PPP6R3: variants seen among roughly 807,000 people sequenced by gnomAD.
PPP6R3 encodes the protein protein phosphatase 6 regulatory subunit 3, also known as serine/threonine-protein phosphatase 6 regulatory subunit 3.
Under a neutral mutation model 110.7 loss-of-function variants are expected in PPP6R3, and 38 were observed. The observed-to-expected ratio is 0.34, with a 90% CI of 0.26 to 0.45. The LOEUF is 0.45. Ranked by LOEUF, PPP6R3 falls within the 20% of genes least tolerant of loss-of-function variation. PPP6R3 has a pLI of 1.00. For missense variants in PPP6R3, 870 were observed against 1,062.4 expected (o/e 0.82, Z 2.52); for synonymous variants, 369 against 373.5 (o/e 0.99, Z 0.14).
intron 1 of PPP6R3, among the ~76,000 whole-genome samples, chr11:68,496,608 G>A (rs994403987): frequency 6.6e-6 from 1 of 151,964 alleles, no homozygotes; most frequent in African/African-American, 2.4e-5. Flanking sequence ...GAGTAGCTGG[G>A]ATTACAGGTG....
At chr11:68,497,279 C>G (rs1258532614) in intron 1 of PPP6R3, among the ~76,000 whole-genome samples, 2 of 149,458 alleles carry the variant, frequency 1.3e-5, no homozygotes, top group Admixed American at 6.7e-5. Context: ...TGGTCTCGAT[C>G]TCCTGACCTC....
intron 3 of PPP6R3, among the ~76,000 whole-genome samples, chr11:68,542,389 G>GTTTTTTTTTTGTTTTTTTTTTTTTTTTT (rs1555132282): frequency 2.7e-4 from 11 of 40,206 alleles, no homozygotes; most frequent in South Asian, 1.8e-3. Context: ...AGAAGCTGCT[G>GTTTTTTTTTTGTTTTTTTTTTTTTTTTT]TTTTTTTTTT....
chr11:68,604,547 C>T (rs1205850201), intron 22 of PPP6R3, among the ~76,000 whole-genome samples: 1 of 152,164 alleles, frequency 6.6e-6, no homozygotes, highest in East Asian at 1.9e-4. Context: ...GTGCTGGTGG[C>T]CTTAGCAAAT....
At chr11:68,496,186 T>TC (rs934079850) in intron 1 of PPP6R3, among the ~76,000 whole-genome samples, 24 of 151,946 alleles carry the variant, frequency 1.6e-4, no homozygotes, top group East Asian at 1.2e-3. Flanking sequence ...TCTTTTCTTT[T>TC]TTTTTTTTTG....
rs1430324631 is a variant in PPP6R3, at chr11:68,548,086, A to G, written c.434A>G (p.Lys145Arg). Residue 145 changes from lysine (K) to arginine (R), a missense_variant, in exon 5 of 24, where the codon AAG becomes AGG. Transcript: ENST00000393800. ...KPEQIVDFLK[K>R]KHDFVDLIIK... is the part of the protein sequence containing the mutation. ...CTCTAGATTGTGGATTTCTTAAAGA[A>G]GAAGCATGATTTTGTAGACCTTATT... is the stretch of plus-strand genomic sequence containing the variant. 25 of 1,613,698 alleles carry G rather than the reference A, an allele frequency of 1.5e-5. No homozygotes were observed. The highest frequency in any genetic ancestry group is 2.1e-5 in the Non-Finnish European group (25 of 1,179,678).
intron 1 of PPP6R3, among the ~76,000 whole-genome samples, chr11:68,490,430 G>C (rs548977766): frequency 2.0e-5 from 3 of 152,092 alleles, no homozygotes; most frequent in East Asian, 3.9e-4. Flanking sequence ...TGGGGGGTAA[G>C]TGGGGAGGTC....
chr11:68,607,101 A>C (rs562228303), intron 22 of PPP6R3, among the ~76,000 whole-genome samples: 1 of 152,344 alleles, frequency 6.6e-6, no homozygotes, highest in African/African-American at 2.4e-5. Context: ...TGCCATCCTG[A>C]AGTTAGTGTT....
chr11:68,467,643 A>C (rs1298531646), intron 1 of PPP6R3, among the ~76,000 whole-genome samples: 1 of 152,236 alleles, frequency 6.6e-6, no homozygotes, highest in African/African-American at 2.4e-5. Flanking sequence ...TTGGCTGGTC[A>C]GATTGGTTGG....
At chr11:68,612,026 T>C (rs145058966) in intron 23 of PPP6R3, among the ~76,000 whole-genome samples, 1 of 152,248 alleles carries the variant, frequency 6.6e-6, no homozygotes, top group Non-Finnish European at 1.5e-5. Context: ...TATGTACTTA[T>C]TTCATATGTA....
At chr11:68,469,837 C>G (rs80087821) in intron 1 of PPP6R3, among the ~76,000 whole-genome samples, 1 of 152,252 alleles carries the variant, frequency 6.6e-6, no homozygotes, top group Admixed American at 6.5e-5. Context: ...CCTGTGTCCT[C>G]GTCTCACCAC....
Position 68,591,854 on chromosome 11 carries a change from C to T in PPP6R3, c.1916+148C>T, listed in dbSNP as rs140217598. The T allele has an allele frequency of 6.9e-4, 693 of 1,006,252 alleles. 4 individuals carry two copies. In the African/African-American group the frequency reaches 8.9e-3, roughly 13 times the overall value. 62.3% of individuals were successfully genotyped at this position (1,006,252 alleles called of 1,614,324 possible). A position where few individuals can be genotyped will look rare whatever the true frequency, so the allele number is the denominator to read the frequency against. ...TCATGGCCAGAAATGCCCTTGTTGG[C>T]GGGAGTTGGTGCTTCCAGTGTGACA... On this transcript the variant is annotated intron_variant, in intron 18 of 23. Coordinates refer to ENST00000393800, the MANE Select transcript of PPP6R3 (RefSeq NM_001164161.2).
intron 18 of PPP6R3, among the ~76,000 whole-genome samples, chr11:68,593,951 TAAA>T (rs1262892935): frequency 6.6e-6 from 1 of 151,404 alleles, no homozygotes; most frequent in African/African-American, 2.4e-5. Flanking sequence ...GGAGCCAAGA[TAAA>T]AAAACAAAAA....
At chr11:68,509,831 C>A (rs2099099318) in intron 1 of PPP6R3, among the ~76,000 whole-genome samples, 1 of 146,238 alleles carries the variant, frequency 6.8e-6, no homozygotes, top group African/African-American at 2.5e-5. Context: ...CCCACTGCAA[C>A]CCTTGCCACC....
At chr11:68,485,653 T>C (rs2098942245) in intron 1 of PPP6R3, among the ~76,000 whole-genome samples, 1 of 152,238 alleles carries the variant, frequency 6.6e-6, no homozygotes. Context: ...GTGAGTCTTC[T>C]TGAACCTACT....
intron 2 of PPP6R3, among the ~76,000 whole-genome samples, chr11:68,521,706 A>T (rs2099165057): frequency 6.6e-6 from 1 of 152,230 alleles, no homozygotes. Flanking sequence ...GCCAAGAGGC[A>T]AAAAAGAGGA....
At chr11:68,500,414 C>T (rs2099042380) in intron 1 of PPP6R3, among the ~76,000 whole-genome samples, 1 of 152,052 alleles carries the variant, frequency 6.6e-6, no homozygotes, top group Non-Finnish European at 1.5e-5. Context: ...GTTTTATGTG[C>T]ACTGGTAGTT....
intron 7 of PPP6R3, among the ~76,000 whole-genome samples, chr11:68,557,452 A>G (rs1229498901): frequency 3.3e-5 from 5 of 152,308 alleles, no homozygotes; most frequent in Non-Finnish European, 5.9e-5. Context: ...TGAGCAACCA[A>G]GGACAACCCA....
rs1397314086 is a variant in PPP6R3, at chr11:68,573,114, T to TTTTATTTA, written c.1344-994_1344-993insTTATTTAT. 6.5e-5 allele frequency among the ~76,000 whole-genome samples: 4 copies of TTTTATTTA among 61,798 alleles called. No individual in the cohort carries two copies. In the East Asian group the frequency reaches 2.7e-3, roughly 41 times the overall value. 40.5% of individuals were successfully genotyped at this position (61,798 alleles called of 152,430 possible). A position where few individuals can be genotyped will look rare whatever the true frequency, so the allele number is the denominator to read the frequency against. The stretch of plus-strand genomic sequence containing the variant: ...TCAGATTAATATGAGTTTACTTATT[T>TTTTATTTA]TATATATATATATATATATATATAT... On this transcript the variant is annotated intron_variant, in intron 12 of 23. Transcript: ENST00000393800.
At chr11:68,589,810 A>G (rs964808464) in intron 16 of PPP6R3, among the ~76,000 whole-genome samples, 6 of 152,394 alleles carry the variant, frequency 3.9e-5, no homozygotes, top group South Asian at 2.1e-4. Context: ...TGCTATAAAC[A>G]TGCCGTATGG....
Sources: allele counts gnomAD v4.1 joint callset (sites outside exome capture counted in the v4.1 genomes callset), GRCh38; gene constraint gnomAD v4.1.1; transcripts MANE v1.5; gene names NCBI Gene and HGNC (gene_info 2026-07-23, HGNC 2026-07-21).